Variants in SIK3 observed in about 807,000 individuals in gnomAD.
SIK3 encodes SIK family kinase 3.
SIK3 carries 28 observed loss-of-function variants against 144.2 expected under a neutral mutation model. The ratio of observed to expected loss-of-function variants is 0.19; its 90% CI spans 0.14 to 0.27. The LOEUF is 0.27. Among genes scored for constraint, SIK3 ranks in the 10% least tolerant of loss-of-function variants. The pLI is 1.00. For synonymous variants in SIK3, 686 were observed against 676.3 expected (o/e 1.01, Z -0.22); for missense variants, 1,319 against 1,776.0 (o/e 0.74, Z 4.62).
chr11:116,936,733 T>C (rs918106036), intron 3 of SIK3, among the ~76,000 whole-genome samples: 1 of 152,238 alleles, frequency 6.6e-6, no homozygotes, highest in African/African-American at 2.4e-5. Flanking sequence ...TTCTAACACA[T>C]TTCTTTGGTC....
In SIK3 at chr11:116,858,021, C is replaced by A. The variant is rs151294148; in HGVS notation, c.3444G>T (p.Ser1148=). ...MHSESMEEDC[S]CEGAKDGFQD... ...GGAAGCCATCCTTGGCCCCCTCACA[C>A]GAGCAGTCCTCCTCCATGCTCTCTG... Residue 1148 remains serine (S), a synonymous_variant, in exon 21 of 25, where the codon TCG becomes TCT. Coordinates refer to ENST00000445177, the MANE Select transcript of SIK3 (RefSeq NM_001366686.3). This position sits in a 1 kb window ranked among gnomAD's most constrained non-coding sequence, Gnocchi z 5.4. 3.5e-5 allele frequency: 57 copies of A among 1,613,946 alleles called. No individual in the cohort carries two copies. The highest frequency in any genetic ancestry group is 4.6e-5 in the Non-Finnish European group (54 of 1,179,880).
chr11:116,914,839 T>C (rs529944580), intron 4 of SIK3, among the ~76,000 whole-genome samples: 2 of 152,292 alleles, frequency 1.3e-5, no homozygotes, highest in African/African-American at 2.4e-5. Context: ...CTTTTCTGAC[T>C]CACAAACTCC....
intron 1 of SIK3, among the ~76,000 whole-genome samples, chr11:117,053,065 G>A (rs749558624): frequency 4.6e-5 from 7 of 152,148 alleles, no homozygotes; most frequent in Admixed American, 1.3e-4. Flanking sequence ...CAGGCCGGGC[G>A]CGGTGGCTCA....
chr11:116,938,797 G>A (rs1948130941), intron 3 of SIK3, among the ~76,000 whole-genome samples: 1 of 152,160 alleles, frequency 6.6e-6, no homozygotes, highest in Non-Finnish European at 1.5e-5. Context: ...AAAGGACACA[G>A]GAGTCAGCCT....
intron 21 of SIK3, among the ~76,000 whole-genome samples, chr11:116,856,490 G>A (rs1255014106): frequency 6.6e-6 from 1 of 152,170 alleles, no homozygotes; most frequent in Non-Finnish European, 1.5e-5. Flanking sequence ...CAAGCGTGAT[G>A]TTTCTCTTAG....
At chr11:117,044,480 T>C (rs1952870783) in intron 1 of SIK3, among the ~76,000 whole-genome samples, 1 of 124,438 alleles carries the variant, frequency 8.0e-6, no homozygotes, top group Admixed American at 7.5e-5. Flanking sequence ...AAAAGTAAAC[T>C]GCTGACTTAA....
At chr11:117,082,311 C>T (rs1473472510) in intron 1 of SIK3, among the ~76,000 whole-genome samples, 1 of 152,088 alleles carries the variant, frequency 6.6e-6, no homozygotes, top group African/African-American at 2.4e-5. Context: ...AAAACATGAT[C>T]ACACAGAAAT....
intron 3 of SIK3, among the ~76,000 whole-genome samples, chr11:116,939,716 G>A (rs1030896306): frequency 5.3e-5 from 8 of 152,176 alleles, no homozygotes; most frequent in Admixed American, 3.3e-4. Flanking sequence ...AAGAAACACT[G>A]AACTACAGGA....
At chr11:117,002,262 T>A (rs539033451) in intron 1 of SIK3, among the ~76,000 whole-genome samples, 2 of 152,224 alleles carry the variant, frequency 1.3e-5, no homozygotes, top group Admixed American at 1.3e-4. Flanking sequence ...CACAAATTCA[T>A]AAACTTTCTT....
chr11:116,901,684 G>C (rs148915191), intron 4 of SIK3, among the ~76,000 whole-genome samples: 2 of 152,218 alleles, frequency 1.3e-5, no homozygotes, highest in African/African-American at 4.8e-5. Flanking sequence ...CTCTTGTAAA[G>C]ATCTACCCTC....
rs1407672895 is a variant in SIK3, at chr11:116,861,355, G to A, written c.2344C>T (p.Pro782Ser). Residue 782 changes from proline (P) to serine (S), a missense_variant, in exon 19 of 25, where the codon CCC becomes TCC. Around this residue, in one of 8 missense-constraint regions of SIK3, gnomAD observed 646 missense variants for 763.7 expected, o/e 0.85. Transcript: ENST00000445177. Reference protein sequence around the residue: ...RLRIQPSSPPPNHPNNHLFRQ... With the variant: ...RLRIQPSSPPSNHPNNHLFRQ... ...AAGAGATGGTTGTTGGGGTGGTTGG[G>A]GGGTGGGCTTGAAGGCTGAATCCTT... is the stretch of plus-strand genomic sequence containing the variant. 2 of 1,597,576 alleles carry A rather than the reference G, an allele frequency of 1.3e-6. No homozygotes were observed. The highest frequency in any genetic ancestry group is 1.1e-5 in the South Asian group (1 of 88,576).
chr11:117,080,043 A>T (rs1390903370), intron 1 of SIK3, among the ~76,000 whole-genome samples: 3 of 152,116 alleles, frequency 2.0e-5, no homozygotes, highest in Admixed American at 1.3e-4. Context: ...CAATTTTTTT[A>T]AAACATTAAT....
chr11:116,992,048 G>C (rs541382709), intron 1 of SIK3, among the ~76,000 whole-genome samples: 29 of 152,226 alleles, frequency 1.9e-4, no homozygotes, highest in African/African-American at 6.3e-4. Flanking sequence ...TCGTGGCCGG[G>C]CATGGTGGCT....
intron 4 of SIK3, among the ~76,000 whole-genome samples, chr11:116,914,745 A>T (rs1404760181): frequency 1.3e-5 from 2 of 152,166 alleles, no homozygotes; most frequent in Non-Finnish European, 2.9e-5. Flanking sequence ...CAGTTCAGAG[A>T]CTCACTCAAT....
At chr11:116,957,509 T>G (rs1302527877) in intron 1 of SIK3, among the ~76,000 whole-genome samples, 1 of 152,176 alleles carries the variant, frequency 6.6e-6, no homozygotes, top group Non-Finnish European at 1.5e-5. Flanking sequence ...TATGAGAACT[T>G]TCACAGGGGC....
chr11:116,978,992 G>C (rs1439176174), intron 1 of SIK3, among the ~76,000 whole-genome samples: 1 of 152,104 alleles, frequency 6.6e-6, no homozygotes, highest in African/African-American at 2.4e-5. Context: ...TAGCTACTAT[G>C]AACAATAATT....
intron 3 of SIK3, among the ~76,000 whole-genome samples, chr11:116,953,810 C>T (rs986209177): frequency 3.9e-5 from 6 of 152,210 alleles, no homozygotes; most frequent in African/African-American, 1.4e-4. Flanking sequence ...TTAATCTCAA[C>T]TGTCAGCGCC....
chr11:116,971,952 G>C (rs1328962352), intron 1 of SIK3, among the ~76,000 whole-genome samples: 1 of 152,064 alleles, frequency 6.6e-6, no homozygotes, highest in Non-Finnish European at 1.5e-5. Flanking sequence ...CCTGGGCGTG[G>C]TGGCACGCGC....
At chr11:116,913,064 G>A (rs1337905459) in intron 4 of SIK3, among the ~76,000 whole-genome samples, 1 of 152,094 alleles carries the variant, frequency 6.6e-6, no homozygotes, top group Admixed American at 6.5e-5. Context: ...CAAAACAAAA[G>A]TCAAGTGTGT....
Sources: allele counts gnomAD v4.1 joint callset (sites outside exome capture counted in the v4.1 genomes callset), GRCh38; gene constraint gnomAD v4.1.1; regional missense constraint gnomAD v4.1.1; non-coding constraint Gnocchi (gnomAD v3.1); transcripts MANE v1.5; gene names NCBI Gene and HGNC (gene_info 2026-07-23, HGNC 2026-07-21).